Variants in FAM135B observed in about 807,000 individuals in gnomAD.
FAM135B encodes family with sequence similarity 135 member B, also known as protein FAM135B.
In FAM135B, 43 loss-of-function variants were observed where a neutral mutation model predicts 127.7. The observed-to-expected ratio is 0.34, with a 90% CI of 0.26 to 0.43. The LOEUF is 0.43. Among genes scored for constraint, FAM135B ranks in the 20% least tolerant of loss-of-function variants. The pLI is 1.00. For synonymous variants in FAM135B, 670 were observed against 665.1 expected, an observed-to-expected ratio of 1.01 and a Z score of -0.11; for missense variants, 1,558 against 1,725.6, an observed-to-expected ratio of 0.90 and a Z score of 1.72.
At chr8:138,197,258 G>A (rs1297026253) in intron 8 of FAM135B, among the ~76,000 whole-genome samples, 1 of 152,180 alleles carries the variant, frequency 6.6e-6, no homozygotes, top group Non-Finnish European at 1.5e-5. Context: ...TGGCAGGTGT[G>A]TAATAGGTAC....
chr8:138,349,433 C>T (rs1039292868), intron 2 of FAM135B, among the ~76,000 whole-genome samples: 3 of 152,150 alleles, frequency 2.0e-5, no homozygotes, highest in African/African-American at 7.2e-5. Context: ...TAAAACAGAA[C>T]AGATAGTATC....
At chr8:138,482,270 G>C (rs1814811829) in intron 1 of FAM135B, among the ~76,000 whole-genome samples, 1 of 152,168 alleles carries the variant, frequency 6.6e-6, no homozygotes, top group South Asian at 2.1e-4. Flanking sequence ...TAGGGAAGAG[G>C]GAAATAGGGA....
chr8:138,206,878 G>A (rs796826071), intron 7 of FAM135B, among the ~76,000 whole-genome samples: 526 of 19,522 alleles, frequency 0.027, no homozygotes, highest in South Asian at 0.034. Context: ...CCTACCCACA[G>A]CTCTATCATC....
Position 138,132,817 on chromosome 8 carries a change from G to T in FAM135B, c.4016-19C>A. 6.2e-7 allele frequency: 1 copy of T among 1,610,030 alleles called. No homozygotes were observed. Among genetic ancestry groups the T allele is most frequent in the Non-Finnish European group, 8.5e-7 (1 of 1,176,494 alleles). On this transcript the variant is annotated intron_variant, in intron 19 of 19. Coordinates refer to ENST00000395297, the MANE Select transcript of FAM135B (RefSeq NM_015912.4). The surrounding 1 kb of genome is among the most constrained non-coding windows in gnomAD (Gnocchi z 4.5). Reference sequence around the variant, plus strand: ...ACTGGCCCTGTAAAGTGGGGAAGAAGGACATGAAGCTGGTGCAGAAATTAG... The same window carrying T: ...ACTGGCCCTGTAAAGTGGGGAAGAATGACATGAAGCTGGTGCAGAAATTAG...
chr8:138,418,300 T>C (rs1232281820), intron 1 of FAM135B, among the ~76,000 whole-genome samples: 1 of 152,102 alleles, frequency 6.6e-6, no homozygotes, highest in African/African-American at 2.4e-5. Flanking sequence ...AGGGATTATG[T>C]AAAAAGACCA....
At position 138,152,392 on chromosome 8, in the gene FAM135B, C is replaced by T. The variant is rs374779918; in HGVS notation, c.2083G>A (p.Val695Ile). ...DSGIESEPSSVAWSEARSRAL... is the reference protein window; with the variant it reads ...DSGIESEPSSIAWSEARSRAL... ...CTGCTTCGGGCCTCTGACCAGGCGACGGAGCTTGGCTCACTCTCAATGCCT... is the reference window on the plus strand; with the variant it reads ...CTGCTTCGGGCCTCTGACCAGGCGATGGAGCTTGGCTCACTCTCAATGCCT... The change falls in exon 13 of 20, where the codon GTC becomes ATC. Residue 695 changes from valine to isoleucine, a missense_variant. Val to Ile is a conservative substitution (Grantham distance 29). Coordinates refer to ENST00000395297, the MANE Select transcript of FAM135B (RefSeq NM_015912.4). The T allele has an allele frequency of 5.8e-5, 93 of 1,614,046 alleles. No homozygotes were observed. The highest frequency in any genetic ancestry group is 1.9e-4 in the African/African-American group (14 of 74,914).
intron 1 of FAM135B, among the ~76,000 whole-genome samples, chr8:138,455,117 G>A (rs1836704591): frequency 6.6e-6 from 1 of 152,190 alleles, no homozygotes; most frequent in Admixed American, 6.5e-5. Flanking sequence ...GTCTTTGGGG[G>A]ATCTATTTTA....
Position 138,175,672 on chromosome 8 carries a change from C to G in FAM135B, c.1103+1675G>C, listed in dbSNP as rs141828458. 4.7e-4 allele frequency among the ~76,000 whole-genome samples: 71 copies of G among 152,258 alleles called. 2 individuals are homozygous for G. The East Asian group carries it at 9.9e-3, about 21-fold the overall frequency. The stretch of plus-strand genomic sequence containing the variant: ...CTACGAAAGGCAGTTTGTCCTTTGT[C>G]TGTTTTTCCTCTTCTGAAAGCTGGT... On this transcript the variant is annotated intron_variant, in intron 11 of 19. Coordinates refer to ENST00000395297, the MANE Select transcript of FAM135B (RefSeq NM_015912.4).
intron 3 of FAM135B, among the ~76,000 whole-genome samples, chr8:138,304,999 G>A (rs1826138108): frequency 6.6e-6 from 1 of 152,158 alleles, no homozygotes; most frequent in African/African-American, 2.4e-5. Flanking sequence ...GCCCCAGGCT[G>A]GTACTTAGAG....
intron 5 of FAM135B, among the ~76,000 whole-genome samples, chr8:138,253,448 A>G (rs1301662282): frequency 1.3e-5 from 2 of 152,164 alleles, no homozygotes; most frequent in African/African-American, 4.8e-5. Context: ...GCACTCTACG[A>G]TGTGAAGCAG....
chr8:138,163,662 C>A (rs1471355490), intron 12 of FAM135B, among the ~76,000 whole-genome samples: 1 of 152,144 alleles, frequency 6.6e-6, no homozygotes, highest in Admixed American at 6.5e-5. Context: ...CCGTGTGATG[C>A]CTCCCTAGCC....
At chr8:138,177,283 C>T (rs945893835) in intron 11 of FAM135B, 64 bp downstream of exon 11, 2 of 1,485,830 alleles carry the variant, frequency 1.3e-6, no homozygotes, top group Middle Eastern at 1.7e-4. Flanking sequence ...TGAAGAGTAA[C>T]TTTGAACAGC....
chr8:138,397,312 T>C (rs1274142363), intron 1 of FAM135B, among the ~76,000 whole-genome samples: 1 of 152,176 alleles, frequency 6.6e-6, no homozygotes. Flanking sequence ...TGCATGATTT[T>C]ATGTGTATGA....
intron 3 of FAM135B, among the ~76,000 whole-genome samples, chr8:138,306,054 C>T (rs1826232776): frequency 1.3e-5 from 2 of 152,130 alleles, no homozygotes; most frequent in African/African-American, 4.8e-5. Flanking sequence ...CCCCATCACA[C>T]TTTTACTAAG....
At position 138,368,086 on chromosome 8, in the gene FAM135B, TGACCAACAG is replaced by T. The variant is rs1358681336; in HGVS notation, c.-19-93_-19-85del. On this transcript the variant is annotated intron_variant, in intron 1 of 19. Transcript: ENST00000395297. ...TGGCTTTTACAACAGGAAACCAATC[TGACCAACAG>T]GACCAACAGGAGTAGCGTGTGTCCA... 104 of 905,080 alleles carry T rather than the reference TGACCAACAG, an allele frequency of 1.1e-4. No homozygotes were observed. The East Asian group carries it at 2.2e-3, about 19-fold the overall frequency. The allele number at this position is 905,080 out of a possible 1,614,324, so 56.1% of individuals were successfully genotyped here.
intron 2 of FAM135B, among the ~76,000 whole-genome samples, chr8:138,353,381 TG>T (rs1829895695): frequency 1.3e-5 from 2 of 152,216 alleles, no homozygotes; most frequent in South Asian, 4.1e-4. Flanking sequence ...GGATCCTTTT[TG>T]GTCCTTATAC....
At chr8:138,442,259 T>TAC (rs1453361179) in intron 1 of FAM135B, among the ~76,000 whole-genome samples, 2 of 126,032 alleles carry the variant, frequency 1.6e-5, no homozygotes, top group Admixed American at 8.0e-5. Context: ...TATATATATA[T>TAC]ATATATATAT....
chr8:138,485,351 T>C (rs779751538), intron 1 of FAM135B, among the ~76,000 whole-genome samples: 10 of 152,056 alleles, frequency 6.6e-5, no homozygotes, highest in Non-Finnish European at 1.3e-4. Context: ...GTCCATCCCA[T>C]CCAGAGTTTC....
chr8:138,325,226 G>A (rs368656887), intron 2 of FAM135B, among the ~76,000 whole-genome samples: 1 of 152,148 alleles, frequency 6.6e-6, no homozygotes, highest in Non-Finnish European at 1.5e-5. Flanking sequence ...CAATCAAATT[G>A]TGTTTAAATG....
Sources: allele counts gnomAD v4.1 joint callset (sites outside exome capture counted in the v4.1 genomes callset), GRCh38; gene constraint gnomAD v4.1.1; non-coding constraint Gnocchi (gnomAD v3.1); transcripts MANE v1.5; gene names NCBI Gene and HGNC (gene_info 2026-07-23, HGNC 2026-07-21).